Variants in RUFY3 observed in about 807,000 individuals in gnomAD.
RUFY3 encodes protein RUFY3.
RUFY3 carries 34 observed loss-of-function variants against 84.0 expected under a neutral mutation model. The ratio of observed to expected loss-of-function variants is 0.40; its 90% CI spans 0.31 to 0.54. RUFY3 has a LOEUF of 0.54. Ranked by LOEUF, RUFY3 falls within the 20% of genes least tolerant of loss-of-function variation. The probability of loss-of-function intolerance (pLI) is 0.39; values close to 1 mark genes in which losing one functional copy is unlikely to be tolerated. For missense variants in RUFY3, 507 were observed against 736.8 expected, an observed-to-expected ratio of 0.69 and a Z score of 3.61; for synonymous variants, 242 against 252.9, an observed-to-expected ratio of 0.96 and a Z score of 0.41.
At chr4:70,718,324 A>C (rs1419480056), upstream of RUFY3, among the ~76,000 whole-genome samples, 3 of 152,246 alleles carry the variant, frequency 2.0e-5, no homozygotes, top group Non-Finnish European at 4.4e-5. Flanking sequence ...AGCCGAGTAC[A>C]AATATCCTTT....
Position 70,807,697 on chromosome 4 carries a change from T to A in RUFY3, c.*1038T>A, listed in dbSNP as rs902820088. Reference sequence around the variant, plus strand: ...TTTTTTTTTGGCCGGGGAGGGGGTCTCATTGGTTGCTCAGCCTGGTCTCAA... The same window carrying A: ...TTTTTTTTTGGCCGGGGAGGGGGTCACATTGGTTGCTCAGCCTGGTCTCAA... On this transcript the variant is annotated 3_prime_UTR_variant, in exon 18 of 18. Transcript: ENST00000381006. 1.2e-4 allele frequency among the ~76,000 whole-genome samples: 17 copies of A among 146,436 alleles called. No homozygotes were observed. Among genetic ancestry groups the A allele is most frequent in the African/African-American group, 4.1e-4 (16 of 39,078 alleles).
chr4:70,766,087 T>C (rs1725865844), intron 4 of RUFY3, among the ~76,000 whole-genome samples: 1 of 151,906 alleles, frequency 6.6e-6, no homozygotes, highest in Non-Finnish European at 1.5e-5. Flanking sequence ...AGAAAAGAAA[T>C]AAGGAACTAA....
intron 8 of RUFY3, among the ~76,000 whole-genome samples, chr4:70,781,115 T>C: frequency 6.8e-6 from 1 of 147,892 alleles, no homozygotes; most frequent in Non-Finnish European, 1.5e-5. Context: ...GTAAAAAAGA[T>C]AGCAGACCTC....
rs746478498 is a variant in RUFY3, at chr4:70,804,424, T to G, written c.1719+8T>G. On this transcript the variant is annotated splice_region_variant and intron_variant, in intron 17 of 17. Coordinates refer to ENST00000381006, the MANE Select transcript of RUFY3 (RefSeq NM_001037442.4). ...GACGGCAGCCTAACAAAGGTAACTG[T>G]GATGAGAAACGGACAGGCTTTTCAT... 1.5e-5 allele frequency: 24 copies of G among 1,613,046 alleles called. No individual in the cohort carries two copies. Among genetic ancestry groups the G allele is most frequent in the Non-Finnish European group, 2.0e-5 (23 of 1,179,196 alleles).
rs1342687157 is a variant in RUFY3 at position 70,807,657 on chromosome 4, G to A, written c.*998G>A. ...CCACCTTAGCCTCCCAAGTAGCTGG[G>A]ACTGGCTTTTTTTTTTTTTTTTTGG... On this transcript the variant is annotated 3_prime_UTR_variant, in exon 18 of 18. Coordinates refer to ENST00000381006, the MANE Select transcript of RUFY3 (RefSeq NM_001037442.4). 2.0e-4 allele frequency among the ~76,000 whole-genome samples: 30 copies of A among 149,026 alleles called. No homozygotes were observed. Among genetic ancestry groups the A allele is most frequent in the Admixed American group, 1.1e-3 (17 of 14,962 alleles).
At chr4:70,764,625 C>T (rs1459286016) in intron 4 of RUFY3, 49 bp downstream of exon 4, 2 of 1,099,074 alleles carry the variant, frequency 1.8e-6, no homozygotes, top group Admixed American at 2.1e-5. Context: ...TGTTCTACAT[C>T]GTATAAAGTC....
rs751815471 is a variant in RUFY3 at position 70,784,887 on chromosome 4, A to G, written c.1071+8A>G. ...GAGACACAATTACGATTGGTAAACT[A>G]TGCTTAATTTCTAATAGTTCAGGAA... On this transcript the variant is annotated splice_region_variant and intron_variant, in intron 10 of 17. Coordinates refer to ENST00000381006, the MANE Select transcript of RUFY3 (RefSeq NM_001037442.4). The G allele has an allele frequency of 6.3e-6, 10 of 1,578,572 alleles. No homozygotes were observed. Among genetic ancestry groups the G allele is most frequent in the East Asian group, 4.6e-5 (2 of 43,284 alleles).
Position 70,802,977 on chromosome 4 carries a change from T to C in RUFY3, c.1644T>C (p.Asp548=). 1 of 1,609,316 alleles carries C rather than the reference T, an allele frequency of 6.2e-7. No individual in the cohort carries two copies. Among genetic ancestry groups the C allele is most frequent in the South Asian group, 1.1e-5 (1 of 90,270 alleles). ...ESHRLQPHPM[D]EQDQLLLSEK... ...GTAGGCTGCAACCCCACCCTATGGA[T>C]GAACAGGTAACAGAGCCTCCTGTTT... Residue 548 remains aspartate (D), a synonymous_variant, in exon 16 of 18, where the codon GAT becomes GAC. Transcript: ENST00000381006.
intron 1 of RUFY3, among the ~76,000 whole-genome samples, chr4:70,747,157 G>T (rs1383436619): frequency 1.3e-5 from 2 of 152,108 alleles, no homozygotes; most frequent in African/African-American, 4.8e-5. Context: ...TTTTCCCAAG[G>T]TCACACAGCT....
At chr4:70,752,402 C>T (rs546277519) in intron 1 of RUFY3, among the ~76,000 whole-genome samples, 1 of 152,176 alleles carries the variant, frequency 6.6e-6, no homozygotes, top group African/African-American at 2.4e-5. Flanking sequence ...AAACTGGATG[C>T]CTTTCATTTC....
chr4:70,744,692 T>C (rs1721901834), intron 1 of RUFY3, among the ~76,000 whole-genome samples: 1 of 151,364 alleles, frequency 6.6e-6, no homozygotes, highest in Admixed American at 6.6e-5. Flanking sequence ...TTCGCTCTTG[T>C]TGCCCAGGCT....
exon 1 of RUFY3, chr4:70,705,215 G>A (rs1311540469): frequency 1.4e-6 from 2 of 1,461,178 alleles, no homozygotes; most frequent in Non-Finnish European, 1.8e-6. Context: ...GGACCCCGCC[G>A]TCCCCCGGCT....
Position 70,762,745 on chromosome 4 carries a change from C to A in RUFY3, c.352+53C>A, listed in dbSNP as rs79997214. On this transcript the variant is annotated intron_variant, in intron 2 of 17. Transcript: ENST00000381006. ...TGCATGCAGCTGTTTTCTAGCAATG[C>A]ATACTATAGAAGAAAGCATTCTTTG... 5.1e-3 allele frequency: 7,454 copies of A among 1,459,568 alleles called. 298 individuals carry two copies. In the East Asian group the frequency reaches 0.08, roughly 16 times the overall value. The allele number at this position is 1,459,568 out of a possible 1,614,324, so 90.4% of individuals were successfully genotyped here. A position where few individuals can be genotyped will look rare whatever the true frequency, so the allele number is the denominator to read the frequency against.
upstream of RUFY3, among the ~76,000 whole-genome samples, chr4:70,717,873 A>ATTTTT (rs1165078654): frequency 1.3e-4 from 11 of 82,370 alleles, 1 homozygote; most frequent in Admixed American, 3.9e-4. Context: ...TTGACATGGT[A>ATTTTT]TTTTTTTTTT....
At chr4:70,729,682 G>T (rs1718895541) in intron 1 of RUFY3, among the ~76,000 whole-genome samples, 3 of 152,172 alleles carry the variant, frequency 2.0e-5, no homozygotes, top group African/African-American at 7.2e-5. Flanking sequence ...TATTCATGAA[G>T]CAGTAGCTGA....
At chr4:70,714,267 A>G (rs1741329113) in intron 1 of RUFY3, among the ~76,000 whole-genome samples, 2 of 152,184 alleles carry the variant, frequency 1.3e-5, no homozygotes, top group African/African-American at 4.8e-5. Context: ...CTCTGGTTCC[A>G]TATTCTACTC....
chr4:70,754,399 A>G (rs975373988), intron 1 of RUFY3, among the ~76,000 whole-genome samples: 30 of 152,160 alleles, frequency 2.0e-4, no homozygotes, highest in Non-Finnish European at 1.5e-5. Context: ...AATCCAGAGA[A>G]AATGTTACTT....
chr4:70,735,176 A>G (rs1255401492), intron 1 of RUFY3, among the ~76,000 whole-genome samples: 1 of 152,102 alleles, frequency 6.6e-6, no homozygotes, highest in Non-Finnish European at 1.5e-5. Context: ...AACATCCACC[A>G]TATTCTGTAC....
chr4:70,765,456 G>A (rs1441181067), intron 4 of RUFY3, among the ~76,000 whole-genome samples: 1 of 152,138 alleles, frequency 6.6e-6, no homozygotes, highest in Non-Finnish European at 1.5e-5. Context: ...TCTCTTTCCT[G>A]ATCATGATAG....
Sources: gnomAD v4.1 joint callset for allele counts (sites outside exome capture counted in the v4.1 genomes callset) on GRCh38, gnomAD v4.1.1 for gene constraint, MANE v1.5 for transcripts, NCBI Gene and HGNC (gene_info 2026-07-23, HGNC 2026-07-21) for gene names.